Variants in MED16 observed in about 807,000 individuals in gnomAD.
MED16 encodes mediator complex subunit 16.
In MED16, 81 loss-of-function variants were observed where a neutral mutation model predicts 84.4. The observed-to-expected ratio is 0.96, with a 90% confidence interval of 0.80 to 1.15. MED16 has a LOEUF of 1.15. Ranked by LOEUF, MED16 falls within the 50% of genes most tolerant of loss-of-function variation. The pLI is 0.00. For synonymous variants in MED16, 897 were observed against 552.2 expected (o/e 1.62, Z -8.76); for missense variants, 1,585 against 1,245.9 (o/e 1.27, Z -4.10).
chr19:891,503 G>A (rs2036631205), intron 1 of MED16, among the ~76,000 whole-genome samples: 1 of 151,586 alleles, frequency 6.6e-6, no homozygotes, highest in African/African-American at 2.4e-5. Context: ...AGTGATGATG[G>A]GGGCAGCAAG....
intron 6 of MED16, among the ~76,000 whole-genome samples, chr19:882,396 ACACGCCTG>A (rs2036438932): frequency 2.2e-5 from 2 of 89,586 alleles, no homozygotes; most frequent in African/African-American, 4.6e-5. Context: ...GCACGCCTGC[ACACGCCTG>A]TAGTCCCAGC....
At position 868,090 on chromosome 19, in the gene MED16, A is replaced by C. The variant is rs1252241565; in HGVS notation, c.*11T>G. 1 of 1,597,890 alleles carries C rather than the reference A, an allele frequency of 6.3e-7. No homozygotes were observed. Among genetic ancestry groups the C allele is most frequent in the African/African-American group, 1.4e-5 (1 of 73,868 alleles). On this transcript the variant is annotated 3_prime_UTR_variant, in exon 16 of 16. Coordinates refer to ENST00000325464, the MANE Select transcript of MED16 (RefSeq NM_005481.3). ...CCGGGTCACCACAAGGTCCGCCTGGACCCCCGGCCGTCACGGACGGTCCTC... is the reference window on the plus strand; with the variant it reads ...CCGGGTCACCACAAGGTCCGCCTGGCCCCCCGGCCGTCACGGACGGTCCTC...
chr19:883,137 C>A (rs1373166788), intron 6 of MED16, among the ~76,000 whole-genome samples: 1 of 152,234 alleles, frequency 6.6e-6, no homozygotes, highest in African/African-American at 2.4e-5. Flanking sequence ...GGTCAGCATT[C>A]CTAAATGAGG....
At position 871,243 on chromosome 19, in the gene MED16, C is replaced by G; in HGVS notation, c.2109G>C (p.Glu703Asp). The change falls in exon 13 of 16, where the codon GAG (glutamate) becomes GAC (aspartate). Residue 703 changes from glutamate (E) to aspartate (D), a missense_variant. Coordinates refer to ENST00000325464, the MANE Select transcript of MED16 (RefSeq NM_005481.3). ...CCTCGTCCGGCTCGCTCGCTGGGCCCTCATCGCGACCTGCGGAGAGAGGTG... is the reference window on the plus strand; with the variant it reads ...CCTCGTCCGGCTCGCTCGCTGGGCCGTCATCGCGACCTGCGGAGAGAGGTG... ...LTKLWICCRD[E>D]GPASEPDEAL... 6.5e-7 allele frequency: 1 copy of G among 1,538,160 alleles called. No individual in the cohort carries two copies. Among genetic ancestry groups the G allele is most frequent in the Non-Finnish European group, 8.8e-7 (1 of 1,137,898 alleles).
At position 868,132 on chromosome 19, in the gene MED16, A is replaced by C. The variant is rs1216712336; in HGVS notation, c.2603T>G (p.Leu868Arg). Residue 868 changes from leucine (L) to arginine (R), a missense_variant, in exon 16 of 16, where the codon CTG (leucine) becomes CGG (arginine). Leu to Arg is a moderately radical substitution (Grantham distance 102). Transcript: ENST00000325464. ...THHSPRTPRS[L>R]DHLHPEDRP ...ACGGTCCTCTGGATGCAGATGGTCC[A>C]GGGATCTGGGGGTCCTGGGAGAGTG... 6.2e-7 allele frequency: 1 copy of C among 1,611,690 alleles called. No individual in the cohort carries two copies.
At chr19:881,776 C>T (rs1423783053) in intron 6 of MED16, 62 bp from the exon 7 acceptor site, 1 of 1,563,592 alleles carries the variant, frequency 6.4e-7, no homozygotes, top group Non-Finnish European at 8.7e-7. Flanking sequence ...GAGACAGCCG[C>T]AGGAGTCCAG....
chr19:889,345 T>C (rs1023863084), intron 4 of MED16, among the ~76,000 whole-genome samples: 1 of 151,748 alleles, frequency 6.6e-6, no homozygotes, highest in African/African-American at 2.4e-5. Context: ...TAGCCTCCAG[T>C]GAAAGAGATA....
intron 8 of MED16, among the ~76,000 whole-genome samples, chr19:879,206 C>T (rs2036349575): frequency 6.6e-6 from 1 of 151,290 alleles, no homozygotes; most frequent in Non-Finnish European, 1.5e-5. Flanking sequence ...CTCACCTTCC[C>T]ATGGTTGTCA....
intron 9 of MED16, among the ~76,000 whole-genome samples, chr19:876,539 G>C (rs540745566): frequency 6.6e-6 from 1 of 152,066 alleles, no homozygotes; most frequent in South Asian, 2.1e-4. Flanking sequence ...GGGGCTTAAC[G>C]TGTTACAGAA....
intron 4 of MED16, among the ~76,000 whole-genome samples, chr19:886,536 A>G (rs1167626127): frequency 6.6e-6 from 1 of 152,208 alleles, no homozygotes; most frequent in African/African-American, 2.4e-5. Flanking sequence ...TCCCTGTTGC[A>G]ACGACTTGGC....
Position 871,227 on chromosome 19 carries a change from G to A in MED16, c.2125C>T (p.Pro709Ser), listed in dbSNP as rs373485164. The change falls in exon 13 of 16, where the codon CCG becomes TCG. Residue 709 changes from proline to serine, a missense_variant. By Grantham distance (74) the Pro-to-Ser change is moderately conservative. Transcript: ENST00000325464. ...CCRDEGPASEPDEALVDECCL... is the reference protein window; with the variant it reads ...CCRDEGPASESDEALVDECCL... ...CATTCATCCACCAGCGCCTCGTCCG[G>A]CTCGCTCGCTGGGCCCTCATCGCGA... The A allele has an allele frequency of 5.2e-6, 8 of 1,542,496 alleles. No individual in the cohort carries two copies. The highest frequency in any genetic ancestry group is 6.1e-6 in the Non-Finnish European group (7 of 1,141,072).
At chr19:870,821 C>T (rs1476142380) in intron 13 of MED16, among the ~76,000 whole-genome samples, 2 of 90,016 alleles carry the variant, frequency 2.2e-5, no homozygotes, top group Non-Finnish European at 4.5e-5. Flanking sequence ...GGGAGGGAGC[C>T]GTGTGGATTC....
Position 868,918 on chromosome 19 carries a change from G to C in MED16, c.2344C>G (p.Leu782Val), listed in dbSNP as rs924496255. Residue 782 changes from leucine (L) to valine (V), a missense_variant, in exon 14 of 16, where the codon CTG becomes GTG. Transcript: ENST00000325464. ...RAPGQPKIDH[L>V]RRLHLGACPT... Reference sequence around the variant, plus strand: ...CAAGCGCCAAGGTGCAGCCTCCGCAGGTGGTCGATCTTGGGCTGGCCTGGG... The same window carrying C: ...CAAGCGCCAAGGTGCAGCCTCCGCACGTGGTCGATCTTGGGCTGGCCTGGG... 1 of 1,550,498 alleles carries C rather than the reference G, an allele frequency of 6.4e-7. No individual in the cohort carries two copies. The highest frequency in any genetic ancestry group is 8.7e-7 in the Non-Finnish European group (1 of 1,153,062).
intron 10 of MED16, 113 bp downstream of exon 10, chr19:875,131 T>C: frequency 1.4e-6 from 1 of 714,386 alleles, no homozygotes; most frequent in Non-Finnish European, 2.1e-6. Flanking sequence ...ACCACTGCAC[T>C]CCAGCCTGGG....
At position 871,291 on chromosome 19, in the gene MED16, C is replaced by G. The variant is rs555504067; in HGVS notation, c.2099-38G>C. 9 of 1,510,344 alleles carry G rather than the reference C, an allele frequency of 6.0e-6. No homozygotes were observed. The South Asian group carries it at 1.1e-4, about 19-fold the overall frequency. 93.6% of individuals were successfully genotyped at this position (1,510,344 alleles called of 1,614,324 possible). ...GTGGCGGAAGTCTCAGCACCCCTGACTGGGGCACCGCCCGGCCACCCGGGA... is the reference window on the plus strand; with the variant it reads ...GTGGCGGAAGTCTCAGCACCCCTGAGTGGGGCACCGCCCGGCCACCCGGGA... On this transcript the variant is annotated intron_variant, in intron 12 of 15. Coordinates refer to ENST00000325464, the MANE Select transcript of MED16 (RefSeq NM_005481.3).
At chr19:880,366 C>G (rs1456508709) in intron 7 of MED16, among the ~76,000 whole-genome samples, 1 of 152,234 alleles carries the variant, frequency 6.6e-6, no homozygotes, top group Non-Finnish European at 1.5e-5. Flanking sequence ...CTTGGCCACA[C>G]TGCTCCCAGC....
chr19:877,187 G>T lies in MED16; in HGVS notation c.1354-7C>A. ...AGAGGCGGAGCACGCTCAGCTGCCA[G>T]AGACAGAGCCCAAGGAGAGCCCGGT... On this transcript the variant is annotated splice_region_variant and splice_polypyrimidine_tract_variant and intron_variant, in intron 8 of 15. Coordinates refer to ENST00000325464, the MANE Select transcript of MED16 (RefSeq NM_005481.3). The T allele has an allele frequency of 6.2e-7, 1 of 1,604,352 alleles. No homozygotes were observed.
At chr19:876,928 C>A in intron 9 of MED16, 46 bp downstream of exon 9, 1 of 1,478,530 alleles carries the variant, frequency 6.8e-7, no homozygotes, top group Non-Finnish European at 9.0e-7. Context: ...CCACCTGCCA[C>A]AGGGCCCCCA....
At chr19:885,072 G>T in intron 5 of MED16, 64 bp from the exon 6 acceptor site, 1 of 1,319,882 alleles carries the variant, frequency 7.6e-7, no homozygotes, top group Non-Finnish European at 1.1e-6. Context: ...CACCACCGGA[G>T]CCTGAGCTGC....
Sources: allele counts gnomAD v4.1 joint callset (sites outside exome capture counted in the v4.1 genomes callset), GRCh38; gene constraint gnomAD v4.1.1; transcripts MANE v1.5; gene names NCBI Gene and HGNC (gene_info 2026-07-23, HGNC 2026-07-21).